Variants in MYT1L observed in about 807,000 individuals in gnomAD.
MYT1L encodes myelin transcription factor 1 like.
In MYT1L, 12 loss-of-function variants were observed where a neutral mutation model predicts 126.7. That is an observed-to-expected ratio of 0.09 (90% CI 0.06 to 0.15). The LOEUF (loss-of-function observed/expected upper bound fraction) is 0.15. MYT1L is among the 10% of genes least tolerant of loss of function. MYT1L has a pLI of 1.00. For missense variants in MYT1L, 979 were observed against 1,585.2 expected (o/e 0.62, Z 6.49); for synonymous variants, 541 against 604.2 (o/e 0.90, Z 1.53).
intron 3 of MYT1L, among the ~76,000 whole-genome samples, chr2:2,143,758 G>A (rs1264156130): frequency 6.6e-6 from 1 of 152,096 alleles, no homozygotes; most frequent in Non-Finnish European, 1.5e-5. Flanking sequence ...TAAAATGCAT[G>A]TTGACATGGA....
chr2:1,986,034 T>C (rs1369682188), intron 5 of MYT1L, among the ~76,000 whole-genome samples: 1 of 152,170 alleles, frequency 6.6e-6, no homozygotes, highest in East Asian at 1.9e-4. Flanking sequence ...AAGCAAGTTG[T>C]CAAAATATAG....
intron 18 of MYT1L, among the ~76,000 whole-genome samples, chr2:1,854,960 C>T (rs1282373506): frequency 6.6e-6 from 1 of 152,150 alleles, no homozygotes; most frequent in African/African-American, 2.4e-5. Context: ...TAACCAGCCC[C>T]CGGTTTTCGG....
At chr2:1,955,045 A>C (rs1180934182) in intron 8 of MYT1L, among the ~76,000 whole-genome samples, 1 of 151,944 alleles carries the variant, frequency 6.6e-6, no homozygotes, top group Non-Finnish European at 1.5e-5. Flanking sequence ...CCAGCTACTC[A>C]GGAGGCTGAG....
chr2:2,140,735 A>G (rs756120266), intron 3 of MYT1L, among the ~76,000 whole-genome samples: 127 of 151,918 alleles, frequency 8.4e-4, no homozygotes, highest in Non-Finnish European at 1.5e-3. Context: ...GCCCGGCCTA[A>G]TTTTTGTATT....
chr2:1,870,388 T>C (rs1397419179), intron 18 of MYT1L, among the ~76,000 whole-genome samples: 1 of 152,126 alleles, frequency 6.6e-6, no homozygotes, highest in Non-Finnish European at 1.5e-5. Flanking sequence ...GGAAAGGTCA[T>C]GAATGACTCT....
At chr2:2,271,241 TC>T (rs760928101) in intron 2 of MYT1L, among the ~76,000 whole-genome samples, 3 of 152,064 alleles carry the variant, frequency 2.0e-5, no homozygotes, top group Non-Finnish European at 4.4e-5. Flanking sequence ...TTTGAGGAGC[TC>T]CCCGCAGGCA....
chr2:1,893,045 C>T (rs2049121459), intron 14 of MYT1L, among the ~76,000 whole-genome samples: 1 of 152,190 alleles, frequency 6.6e-6, no homozygotes, highest in African/African-American at 2.4e-5. Context: ...GTGCAGCTGC[C>T]TCTTTCATAG....
intron 2 of MYT1L, among the ~76,000 whole-genome samples, chr2:2,266,688 C>G (rs943036065): frequency 6.6e-6 from 1 of 152,166 alleles, no homozygotes; most frequent in African/African-American, 2.4e-5. Flanking sequence ...GCTCCCATAA[C>G]TCCCACATGT....
chr2:2,070,849 T>C (rs1013498675), intron 3 of MYT1L, among the ~76,000 whole-genome samples: 2 of 152,210 alleles, frequency 1.3e-5, no homozygotes, highest in African/African-American at 4.8e-5. Context: ...GGAAAAGTCA[T>C]TTAATATCGA....
chr2:1,805,564 G>C (rs2035562490), intron 22 of MYT1L, among the ~76,000 whole-genome samples: 1 of 151,822 alleles, frequency 6.6e-6, no homozygotes, highest in African/African-American at 2.4e-5. Flanking sequence ...GCAACACAGG[G>C]GGCAACATAG....
chr2:2,229,854 T>C (rs1014967025), intron 2 of MYT1L, among the ~76,000 whole-genome samples: 3 of 152,180 alleles, frequency 2.0e-5, no homozygotes, highest in African/African-American at 7.2e-5. Flanking sequence ...TGCATCTGCC[T>C]CCCAAGTCTT....
intron 2 of MYT1L, among the ~76,000 whole-genome samples, chr2:2,177,731 C>G (rs756051767): frequency 2.6e-5 from 4 of 152,182 alleles, no homozygotes; most frequent in Non-Finnish European, 5.9e-5. Context: ...TATGAGAACT[C>G]ACTCACTATC....
intron 3 of MYT1L, among the ~76,000 whole-genome samples, chr2:2,055,571 C>T (rs962945250): frequency 6.6e-6 from 1 of 152,050 alleles, no homozygotes; most frequent in Non-Finnish European, 1.5e-5. Context: ...GAATGGTATT[C>T]GACATAGTGG....
chr2:2,199,015 T>C, intron 2 of MYT1L, among the ~76,000 whole-genome samples: 1 of 152,124 alleles, frequency 6.6e-6, no homozygotes, highest in Admixed American at 6.5e-5. Flanking sequence ...AAAAACACCA[T>C]AGACCAAAGG....
chr2:1,822,913 G>A (rs1484253394), intron 21 of MYT1L, among the ~76,000 whole-genome samples: 1 of 152,144 alleles, frequency 6.6e-6, no homozygotes, highest in Non-Finnish European at 1.5e-5. Context: ...GAAGGGAAAT[G>A]TTTAGTTTTG....
intron 2 of MYT1L, among the ~76,000 whole-genome samples, chr2:2,181,500 G>A (rs2091520802): frequency 6.6e-6 from 1 of 152,172 alleles, no homozygotes; most frequent in Non-Finnish European, 1.5e-5. Context: ...ATTACCGTCT[G>A]TCAGAGGCTG....
intron 2 of MYT1L, among the ~76,000 whole-genome samples, chr2:2,257,536 T>C (rs1035857462): frequency 6.6e-5 from 10 of 152,182 alleles, no homozygotes; most frequent in African/African-American, 2.4e-4. Context: ...CCTGGAGCTC[T>C]AACGCACAGC....
chr2:1,809,620 C>A (rs1411782169), intron 21 of MYT1L, among the ~76,000 whole-genome samples: 1 of 152,048 alleles, frequency 6.6e-6, no homozygotes, highest in African/African-American at 2.4e-5. Context: ...ATGAACTCAC[C>A]CCAAATTCAG....
At position 1,803,123 on chromosome 2, in the gene MYT1L, G is replaced by A. The variant is rs187665727; in HGVS notation, c.3173-1324C>T. On this transcript the variant is annotated intron_variant, in intron 22 of 24. Transcript: ENST00000647738. ...AGAAAGTGATGGATCAGTGGGATTG[G>A]GCCTTAGATGCGGCTTTTAGTGAAA... 1.7e-4 allele frequency among the ~76,000 whole-genome samples: 26 copies of A among 152,182 alleles called. No homozygotes were observed. In the East Asian group the frequency reaches 4.4e-3, roughly 26 times the overall value.
Sources: gnomAD v4.1 joint callset for allele counts (sites outside exome capture counted in the v4.1 genomes callset) on GRCh38, gnomAD v4.1.1 for gene constraint, MANE v1.5 for transcripts, NCBI Gene and HGNC (gene_info 2026-07-23, HGNC 2026-07-21) for gene names.